Variants in B3GALT1 observed in about 807,000 individuals in gnomAD.
B3GALT1 encodes beta-1,3-galactosyltransferase 1, also known as UDP-Gal:betaGlcNAc beta 1,3-galactosyltransferase, polypeptide 1.
Under a neutral mutation model 23.2 loss-of-function variants are expected in B3GALT1, and 10 were observed. That is an observed-to-expected ratio of 0.43 (90% confidence interval 0.27 to 0.73). The LOEUF (loss-of-function observed/expected upper bound fraction) is 0.73. Ranked by LOEUF, B3GALT1 falls within the 30% of genes least tolerant of loss-of-function variation. B3GALT1 has a pLI of 0.21. For missense variants in B3GALT1, 299 were observed against 405.4 expected (o/e 0.74, Z 2.25); for synonymous variants, 156 against 141.5 (o/e 1.10, Z -0.73).
At chr2:167,441,799 G>A (rs917434195) in intron 1 of B3GALT1, among the ~76,000 whole-genome samples, 10 of 151,866 alleles carry the variant, frequency 6.6e-5, no homozygotes, top group African/African-American at 2.4e-4. Flanking sequence ...AGCCTGAGAT[G>A]GGAGAATCAT....
chr2:167,773,164 T>G (rs921280690), intron 3 of B3GALT1, among the ~76,000 whole-genome samples: 7 of 152,314 alleles, frequency 4.6e-5, no homozygotes, highest in Admixed American at 4.6e-4. Context: ...ACTTATAAAT[T>G]TTAGCCTATC....
intron 2 of B3GALT1, among the ~76,000 whole-genome samples, chr2:167,611,493 A>G (rs1241602829): frequency 6.6e-6 from 1 of 152,036 alleles, no homozygotes; most frequent in Non-Finnish European, 1.5e-5. Context: ...AAAAGGCACA[A>G]AAGTCCTTTT....
intron 3 of B3GALT1, among the ~76,000 whole-genome samples, chr2:167,713,373 A>G (rs1343352278): frequency 6.6e-6 from 1 of 152,252 alleles, no homozygotes; most frequent in Non-Finnish European, 1.5e-5. Context: ...AAATGAAGTG[A>G]AAATTCTATA....
At chr2:167,311,007 T>C (rs904261450) in intron 1 of B3GALT1, among the ~76,000 whole-genome samples, 3 of 152,128 alleles carry the variant, frequency 2.0e-5, no homozygotes, top group African/African-American at 7.2e-5. Context: ...TTAGTTTTCC[T>C]AAGGCAACTT....
chr2:167,521,978 G>GTATATATATA (rs1430638545), intron 2 of B3GALT1, among the ~76,000 whole-genome samples: 3 of 90,788 alleles, frequency 3.3e-5, no homozygotes, highest in African/African-American at 1.4e-4. Context: ...ATGTGTGTGT[G>GTATATATATA]TGTGTGTATA....
chr2:167,447,560 G>T (rs1247277284), intron 1 of B3GALT1, among the ~76,000 whole-genome samples: 2 of 152,246 alleles, frequency 1.3e-5, no homozygotes, highest in Non-Finnish European at 2.9e-5. Context: ...CCTCAGCAAT[G>T]GCAGGCACCC....
chr2:167,323,396 C>T (rs1345245480), intron 1 of B3GALT1, among the ~76,000 whole-genome samples: 1 of 151,478 alleles, frequency 6.6e-6, no homozygotes, highest in African/African-American at 2.4e-5. Flanking sequence ...TTAAAGATCA[C>T]CTTGAGTAGG....
intron 2 of B3GALT1, among the ~76,000 whole-genome samples, chr2:167,581,232 A>T (rs1684478305): frequency 6.6e-6 from 1 of 152,222 alleles, no homozygotes; most frequent in Non-Finnish European, 1.5e-5. Flanking sequence ...TGTCCAAAGC[A>T]TGCACACATT....
chr2:167,358,122 C>T (rs1697443817), intron 1 of B3GALT1, among the ~76,000 whole-genome samples: 1 of 152,170 alleles, frequency 6.6e-6, no homozygotes, highest in Non-Finnish European at 1.5e-5. Flanking sequence ...ATGTGTTGAT[C>T]ACCTGGATTA....
intron 3 of B3GALT1, among the ~76,000 whole-genome samples, chr2:167,734,570 C>A (rs558487333): frequency 8.5e-5 from 13 of 152,220 alleles, no homozygotes; most frequent in African/African-American, 3.1e-4. Context: ...TCCGTTTGCT[C>A]CTGAGGACAC....
intron 2 of B3GALT1, among the ~76,000 whole-genome samples, chr2:167,511,379 A>G (rs1232750108): frequency 1.3e-5 from 2 of 152,124 alleles, no homozygotes; most frequent in Non-Finnish European, 2.9e-5. Flanking sequence ...TGATGGTTTT[A>G]TAAGGGGCTT....
At chr2:167,297,839 A>G (rs1470334407) in intron 1 of B3GALT1, among the ~76,000 whole-genome samples, 1 of 152,116 alleles carries the variant, frequency 6.6e-6, no homozygotes, top group Non-Finnish European at 1.5e-5. Context: ...ATTAGTGCCA[A>G]CTTATTCACA....
intron 3 of B3GALT1, among the ~76,000 whole-genome samples, chr2:167,813,583 A>G (rs776174761): frequency 3.1e-4 from 47 of 152,188 alleles, no homozygotes; most frequent in Admixed American, 2.0e-4. Context: ...CTACATTGCC[A>G]GGAGTTAATA....
chr2:167,638,360 C>T (rs1249764826), intron 2 of B3GALT1, among the ~76,000 whole-genome samples: 1 of 152,050 alleles, frequency 6.6e-6, no homozygotes, highest in Non-Finnish European at 1.5e-5. Context: ...AATGATATGA[C>T]ATTGTATGAA....
intron 3 of B3GALT1, among the ~76,000 whole-genome samples, chr2:167,695,498 C>G (rs1251002635): frequency 6.6e-6 from 1 of 152,146 alleles, no homozygotes; most frequent in Non-Finnish European, 1.5e-5. Flanking sequence ...AAATGTAAAT[C>G]TGTACTCCTC....
intron 2 of B3GALT1, among the ~76,000 whole-genome samples, chr2:167,642,262 G>T (rs1454378830): frequency 6.6e-6 from 1 of 152,038 alleles, no homozygotes; most frequent in African/African-American, 2.4e-5. Context: ...ACCATCGGGG[G>T]GTCCAGTCAG....
intron 2 of B3GALT1, among the ~76,000 whole-genome samples, chr2:167,535,374 C>G (rs896124468): frequency 6.6e-6 from 1 of 152,086 alleles, no homozygotes; most frequent in Non-Finnish European, 1.5e-5. Flanking sequence ...ATGGGAAAGA[C>G]ATGGCCATCT....
In B3GALT1 at chr2:167,736,062, A is replaced by G. The variant is rs533718579; in HGVS notation, c.-351-82610A>G. 1.6e-4 allele frequency among the ~76,000 whole-genome samples: 25 copies of G among 152,344 alleles called. No homozygotes were observed. The South Asian group carries it at 5.0e-3, about 30-fold the overall frequency. On this transcript the variant is annotated intron_variant, in intron 3 of 4. Coordinates refer to ENST00000392690, the MANE Select transcript of B3GALT1 (RefSeq NM_020981.4). ...TATTGATGAAAGACCAAAGCGTAGC[A>G]TAGGTACAATAATTTGTTCAAGTCA... is the stretch of plus-strand genomic sequence containing the variant.
intron 1 of B3GALT1, among the ~76,000 whole-genome samples, chr2:167,395,647 C>A (rs1468972539): frequency 6.6e-6 from 1 of 151,956 alleles, no homozygotes; most frequent in African/African-American, 2.4e-5. Context: ...ACATTTCAAG[C>A]TGCTAAGTGT....
Sources: allele counts gnomAD v4.1 joint callset (sites outside exome capture counted in the v4.1 genomes callset), GRCh38; gene constraint gnomAD v4.1.1; transcripts MANE v1.5; gene names NCBI Gene and HGNC (gene_info 2026-07-23, HGNC 2026-07-21).